The following TTN variants were observed in gnomAD, a reference collection of about 807,000 sequenced individuals.
TTN encodes the protein titin.
In TTN, 1,525 loss-of-function variants were observed where a neutral mutation model predicts 3,223.0. The observed-to-expected ratio is 0.47, with a 90% CI of 0.45 to 0.49. The LOEUF (loss-of-function observed/expected upper bound fraction) is 0.49, where lower values mean the gene tolerates loss of function less well. Ranked by LOEUF, TTN falls within the 20% of genes least tolerant of loss-of-function variation. The pLI is 0.00. For synonymous variants in TTN, 14,094 were observed against 15,161.0 expected, an observed-to-expected ratio of 0.93 and a Z score of 5.17; for missense variants, 40,786 against 43,424.0, an observed-to-expected ratio of 0.94 and a Z score of 5.40.
In TTN at chr2:178,530,909, A is replaced by G. The variant is rs370492077; in HGVS notation, c.105706T>C (p.Ser35236Pro). 1.9e-6 allele frequency: 3 copies of G among 1,613,564 alleles called. No individual in the cohort carries two copies. The highest frequency in any genetic ancestry group is 2.2e-5 in the East Asian group (1 of 44,876). The change falls in exon 358 of 363, where the codon TCC becomes CCC. Residue 35236 changes from serine (S) to proline (P), a missense_variant. By Grantham distance (74) the Ser-to-Pro change is moderately conservative. Coordinates refer to ENST00000589042, the MANE Select transcript of TTN (RefSeq NM_001267550.2). Reference protein sequence around the residue: ...KAVTSPPRVKSPEPRVKSPEA... With the variant: ...KAVTSPPRVKPPEPRVKSPEA... ...GGGGATTTCACCCGAGGCTCTGGGGATTTGACTCTTGGTGGTGATGTCACA... is the reference window on the plus strand; with the variant it reads ...GGGGATTTCACCCGAGGCTCTGGGGGTTTGACTCTTGGTGGTGATGTCACA...
Position 178,802,469 on chromosome 2 carries a change from T to C in TTN, c.92-128A>G, listed in dbSNP as rs567212502. On this transcript the variant is annotated intron_variant, in intron 2 of 362. Transcript: ENST00000589042. ...TCCAGCATGGAATGCCACTTAATGA[T>C]AGGGAAAACCCTACAGTTGCATGAT... 3.1e-5 allele frequency: 32 copies of C among 1,030,158 alleles called. No homozygotes were observed. The African/African-American group carries it at 4.1e-4, about 13-fold the overall frequency. 63.8% of individuals were successfully genotyped at this position (1,030,158 alleles called of 1,614,324 possible).
rs537306539 is a variant in TTN, at chr2:178,766,389, T to C, written c.9695A>G (p.Tyr3232Cys). The C allele has an allele frequency of 1.4e-5, 23 of 1,610,752 alleles. No individual in the cohort carries two copies. The highest frequency in any genetic ancestry group is 3.3e-5 in the South Asian group (3 of 91,042). ...AATCTGTCCCTACATACCATTGACA[T>C]AGAGAGTGACAGAACTCCTGTTCCT... The part of the protein sequence containing the change: ...AGRNRSSVTL[Y>C]VNAPEPPQVL... Residue 3232 changes from tyrosine to cysteine, a missense_variant, in exon 41 of 363, where the codon TAT (tyrosine) becomes TGT (cysteine). Coordinates refer to ENST00000589042, the MANE Select transcript of TTN (RefSeq NM_001267550.2).
intron 241 of TTN, among the ~76,000 whole-genome samples, chr2:178,624,938 G>A (rs2058808188): frequency 1.3e-5 from 2 of 151,800 alleles, no homozygotes; most frequent in Admixed American, 6.6e-5. Flanking sequence ...TAAAAACTAG[G>A]AAACATTAAG....
Position 178,775,749 on chromosome 2 carries a change from G to A in TTN, c.6115C>T (p.Leu2039Phe), listed in dbSNP as rs148327753. The A allele has an allele frequency of 1.2e-6, 2 of 1,613,898 alleles. No individual in the cohort carries two copies. Among genetic ancestry groups the A allele is most frequent in the Non-Finnish European group, 1.7e-6 (2 of 1,179,956 alleles). ...TCAGTTAACTCTTTGGTCCAGTGGA[G>A]AAGTTCATCTTTTGTCTTCCTGAGG... is the stretch of plus-strand genomic sequence containing the variant. ...ELLRKTKDEL[L>F]HWTKELTEEE... Residue 2039 changes from leucine (L) to phenylalanine (F), a missense_variant, in exon 28 of 363, where the codon CTC becomes TTC. Coordinates refer to ENST00000589042, the MANE Select transcript of TTN (RefSeq NM_001267550.2).
chr2:178,767,046 G>C (rs567931775), intron 40 of TTN, among the ~76,000 whole-genome samples: 1 of 152,260 alleles, frequency 6.6e-6, no homozygotes, highest in African/African-American at 2.4e-5. Context: ...AGAACACTGA[G>C]GTTCAGAATT....
chr2:178,802,489 C>T, intron 2 of TTN, 148 bp from the exon 3 acceptor site: 3 of 912,220 alleles, frequency 3.3e-6, no homozygotes, highest in South Asian at 3.1e-5. Flanking sequence ...CCTACAGTTG[C>T]ATGATCAGTG....
At position 178,554,038 on chromosome 2, in the gene TTN, G is replaced by A; in HGVS notation, c.89073C>T (p.Thr29691=). The A allele has an allele frequency of 1.2e-6, 2 of 1,613,726 alleles. No homozygotes were observed. The highest frequency in any genetic ancestry group is 1.7e-6 in the Non-Finnish European group (2 of 1,179,782). The part of the protein sequence containing the change: ...FKVLKETIRD[T]RQKVTGLTEN... ...CTGTGAGTCCTGTTACTTTTTGTCT[G>A]GTGTCACGGATAGTCTCTTTTAGTA... The change falls in exon 333 of 363, where the codon ACC becomes ACT. Residue 29691 remains threonine, a synonymous_variant. Transcript: ENST00000589042.
rs1057523600 is a variant in TTN at position 178,553,125 on chromosome 2, A to G, written c.89775T>C (p.Thr29925=). 1.9e-6 allele frequency: 3 copies of G among 1,612,150 alleles called. No individual in the cohort carries two copies. The highest frequency in any genetic ancestry group is 1.3e-5 in the African/African-American group (1 of 75,024). ...ENGVGEPKSS[T]VSVKVLDTPA... is the part of the protein sequence containing the mutation. The stretch of plus-strand genomic sequence containing the variant: ...GTGTGTCAAGCACTTTAACACTCAC[A>G]GTTGAAGACTTAGGTTCACCAACTC... Residue 29925 remains threonine (T), a synonymous_variant, in exon 335 of 363, where the codon ACT becomes ACC. Transcript: ENST00000589042.
At chr2:178,768,216 A>T (rs1054540520) in intron 38 of TTN, 61 bp from the exon 39 acceptor site, 52 of 1,549,360 alleles carry the variant, frequency 3.4e-5, no homozygotes, top group Non-Finnish European at 4.4e-5. Context: ...TATAATTCAC[A>T]TACTGTACAA....
At chr2:178,527,870 G>T in intron 361 of TTN, 122 bp from the exon 362 acceptor site, 1 of 916,186 alleles carries the variant, frequency 1.1e-6, no homozygotes, top group Non-Finnish European at 1.6e-6. Context: ...CAAACAATTT[G>T]CTGTTGAAGC....
At chr2:178,606,990 T>C in intron 278 of TTN, 31 bp downstream of exon 278, 1 of 1,584,518 alleles carries the variant, frequency 6.3e-7, no homozygotes, top group Admixed American at 2.0e-5. Flanking sequence ...AAAACATTAC[T>C]CTATAAACAC....
chr2:178,700,253 A>C (rs1380358890), intron 111 of TTN, among the ~76,000 whole-genome samples: 1 of 152,226 alleles, frequency 6.6e-6, no homozygotes, highest in African/African-American at 2.4e-5. Context: ...TCTCTTTGTT[A>C]ATGAGGTTGC....
chr2:178,667,586 A>C, intron 160 of TTN, 52 bp downstream of exon 160: 2 of 1,579,190 alleles, frequency 1.3e-6, no homozygotes, highest in Non-Finnish European at 1.7e-6. Context: ...GAGCTTTTTA[A>C]AAGGGGCCAA....
At position 178,719,076 on chromosome 2, in the gene TTN, C is replaced by G. The variant is rs894968428; in HGVS notation, c.24226+88G>C. On this transcript the variant is annotated intron_variant, in intron 83 of 362. Transcript: ENST00000589042. ...AGGGAGCTAAGACTAAACATGAAGA[C>G]AAAATAAAGAAACTCCAGGGAAGGC... 3.3e-6 allele frequency: 5 copies of G among 1,529,496 alleles called. No homozygotes were observed. In the African/African-American group the frequency reaches 4.2e-5, roughly 13 times the overall value. 94.7% of individuals were successfully genotyped at this position (1,529,496 alleles called of 1,614,324 possible). A position where few individuals can be genotyped will look rare whatever the true frequency, so the allele number is the denominator to read the frequency against.
At chr2:178,747,138 G>T in intron 47 of TTN, 1 of 1,605,272 alleles carries the variant, frequency 6.2e-7, no homozygotes, top group Non-Finnish European at 8.5e-7. Flanking sequence ...GTCTCTCCTG[G>T]GGGTGTGGAA....
In TTN at chr2:178,590,985, C is replaced by A; in HGVS notation, c.60740G>T (p.Arg20247Ile). ...ACCAACACCTATCTTATTCTCTGCTCTAACTCGGAAAACATATTCACAGCC... is the reference window on the plus strand; with the variant it reads ...ACCAACACCTATCTTATTCTCTGCTATAACTCGGAAAACATATTCACAGCC... ...QKGCEYVFRV[R>I]AENKIGVGPP... Residue 20247 changes from arginine (R) to isoleucine (I), a missense_variant, in exon 304 of 363, where the codon AGA (arginine) becomes ATA (isoleucine). Coordinates refer to ENST00000589042, the MANE Select transcript of TTN (RefSeq NM_001267550.2). 6.2e-7 allele frequency: 1 copy of A among 1,613,496 alleles called. No individual in the cohort carries two copies. The highest frequency in any genetic ancestry group is 8.5e-7 in the Non-Finnish European group (1 of 1,179,558).
At chr2:178,691,987 G>A (rs1240273925) in intron 121 of TTN, 29 bp downstream of exon 121, 2 of 1,588,060 alleles carry the variant, frequency 1.3e-6, no homozygotes, top group Non-Finnish European at 1.7e-6. Context: ...TTGGAGCAAA[G>A]AGTCTCCCCA....
At position 178,598,673 on chromosome 2, in the gene TTN, C is replaced by T. The variant is rs369216122; in HGVS notation, c.56963-19G>A. 1.2e-5 allele frequency: 19 copies of T among 1,603,068 alleles called. No homozygotes were observed. Among genetic ancestry groups the T allele is most frequent in the South Asian group, 2.3e-5 (2 of 88,878 alleles). On this transcript the variant is annotated intron_variant, in intron 291 of 362. Coordinates refer to ENST00000589042, the MANE Select transcript of TTN (RefSeq NM_001267550.2). ...GGAGGGGCTGCAAAGAGCCAGTATA[C>T]GTTAGTATTCTTGACTTTTCCAAGG...
At chr2:178,745,509 A>C in intron 47 of TTN, 7 of 1,580,276 alleles carry the variant, frequency 4.4e-6, no homozygotes, top group Non-Finnish European at 6.0e-6. Context: ...GAAGTTTATT[A>C]GATCCACATA....
Sources: allele counts gnomAD v4.1 joint callset (sites outside exome capture counted in the v4.1 genomes callset), GRCh38; gene constraint gnomAD v4.1.1; transcripts MANE v1.5; gene names NCBI Gene and HGNC (gene_info 2026-07-23, HGNC 2026-07-21).